IGFN1: variants seen among roughly 807,000 people sequenced by gnomAD.
The protein encoded by IGFN1 is immunoglobulin like and fibronectin type III domain containing 1.
A neutral mutation model predicts 289.5 loss-of-function variants in IGFN1; 253 were observed. The ratio of observed to expected loss-of-function variants is 0.87; its 90% CI spans 0.79 to 0.97. IGFN1 has a LOEUF of 0.97. IGFN1 is among the 50% of genes least tolerant of loss of function. The pLI is 0.00. For synonymous variants in IGFN1, 1,706 were observed against 1,788.5 expected, an observed-to-expected ratio of 0.95 and a Z score of 1.16; for missense variants, 4,470 against 4,686.1, an observed-to-expected ratio of 0.95 and a Z score of 1.35.
rs749582497 is a variant in IGFN1, at chr1:201,213,557, T to C, written c.8664T>C (p.Asp2888=). 1.2e-6 allele frequency: 2 copies of C among 1,613,858 alleles called. No individual in the cohort carries two copies. The highest frequency in any genetic ancestry group is 1.1e-5 in the South Asian group (1 of 91,070). The part of the protein sequence containing the change: ...GRLDIYGERR[D]ATRSSTSRYK... The stretch of plus-strand genomic sequence containing the variant: ...TGGACATCTATGGAGAGAGGAGAGA[T>C]GCTACCCGGAGTTCCACATCCAGAT... Residue 2888 remains aspartate, a synonymous_variant, in exon 12 of 24, where the codon GAT becomes GAC. Transcript: ENST00000335211.
In IGFN1 at chr1:201,208,691, TGGGCCA is replaced by T; in HGVS notation, c.3801_3806del (p.Pro1268_Gly1269del). 1 of 1,536,808 alleles carries T rather than the reference TGGGCCA, an allele frequency of 6.5e-7. No homozygotes were observed. The highest frequency in any genetic ancestry group is 1.4e-5 in the African/African-American group (1 of 73,018). On this transcript the variant is annotated inframe_deletion, in exon 12 of 24. Coordinates refer to ENST00000335211, the MANE Select transcript of IGFN1 (RefSeq NM_001164586.2). ...GCCTCCAAGGAATGGGATCAGCAGA[TGGGCCA>T]GGTTGTAGGAAGGGTATTGGGAGTT...
At chr1:201,203,541 T>C (rs1667252050) in intron 9 of IGFN1, among the ~76,000 whole-genome samples, 197 bp from the exon 10 acceptor site, 1 of 152,202 alleles carries the variant, frequency 6.6e-6, no homozygotes, top group South Asian at 2.1e-4. Context: ...TGGATTCCCA[T>C]CCAGCTCACA....
chr1:201,228,345 G>A (rs202185748), intron 23 of IGFN1, 41 bp from the exon 24 acceptor site: 38 of 1,609,540 alleles, frequency 2.4e-5, no homozygotes, highest in Admixed American at 3.3e-5. Flanking sequence ...GGGTGGGGTG[G>A]CTGCCCCTCT....
chr1:201,199,932 A>AC (rs397941209), intron 7 of IGFN1, among the ~76,000 whole-genome samples: 1 of 108,142 alleles, frequency 9.2e-6, no homozygotes, highest in Non-Finnish European at 1.9e-5. Context: ...ACAATGATGT[A>AC]CTTTTTTTTT....
chr1:201,205,284 T>C lies in IGFN1; in HGVS notation c.1119T>C (p.Arg373=), dbSNP rs1200760754. 1 of 1,550,828 alleles carries C rather than the reference T, an allele frequency of 6.4e-7. No homozygotes were observed. The highest frequency in any genetic ancestry group is 2.0e-5 in the Admixed American group (1 of 50,996). ...ACCGGCTGGTGGTGAGGGGGGCACG[T>C]TTCTCAGACATGGGCCCCTATTCGC... The part of the protein sequence containing the change: ...LTHRLVVRGA[R]FSDMGPYSLG... The change falls in exon 11 of 24, where the codon CGT becomes CGC. Residue 373 remains arginine (R), a synonymous_variant. Transcript: ENST00000335211.
intron 9 of IGFN1, among the ~76,000 whole-genome samples, chr1:201,203,139 T>C (rs1667237281): frequency 6.6e-6 from 1 of 152,206 alleles, no homozygotes; most frequent in Non-Finnish European, 1.5e-5. Flanking sequence ...TTTTAGCTAG[T>C]GAGAGCAGGA....
chr1:201,214,963 A>G (rs1275376037), intron 13 of IGFN1, 50 bp from the exon 14 acceptor site: 1 of 1,589,678 alleles, frequency 6.3e-7, no homozygotes, highest in Admixed American at 1.7e-5. Context: ...GGCCTGAAGG[A>G]ACTGGGATGG....
chr1:201,203,453 A>G (rs1667248827), intron 9 of IGFN1, among the ~76,000 whole-genome samples: 2 of 152,204 alleles, frequency 1.3e-5, no homozygotes, highest in Admixed American at 1.3e-4. Flanking sequence ...TCACAGCCTG[A>G]GCTGGAATGT....
Position 201,212,694 on chromosome 1 carries a change from A to G in IGFN1, c.7801A>G (p.Ser2601Gly), listed in dbSNP as rs1308004703. 6.5e-7 allele frequency: 1 copy of G among 1,548,968 alleles called. No individual in the cohort carries two copies. Among genetic ancestry groups the G allele is most frequent in the Admixed American group, 2.0e-5 (1 of 50,832 alleles). ...SSVGTGQDLD[S>G]GSMPGGRGKS... ...AGTGGGGACAGGTCAGGATCTGGACAGCGGCTCTATGCCTGGGGGAAGGGG... is the reference window on the plus strand; with the variant it reads ...AGTGGGGACAGGTCAGGATCTGGACGGCGGCTCTATGCCTGGGGGAAGGGG... The change falls in exon 12 of 24, where the codon AGC (serine) becomes GGC (glycine). Residue 2601 changes from serine (S) to glycine (G), a missense_variant. By Grantham distance (56) the Ser-to-Gly change is moderately conservative. This residue lies in a region of IGFN1 where 2,218 missense variants were observed against 2,114.1 expected (regional missense o/e 1.05). Transcript: ENST00000335211.
At chr1:201,191,600 A>G (rs1284384684) in intron 1 of IGFN1, among the ~76,000 whole-genome samples, 1 of 152,182 alleles carries the variant, frequency 6.6e-6, no homozygotes, top group East Asian at 1.9e-4. Context: ...AACTGAGACT[A>G]CATCCCTCTA....
In IGFN1 at chr1:201,208,369, G is replaced by A. The variant is rs1667539906; in HGVS notation, c.3476G>A (p.Gly1159Glu). Residue 1159 changes from glycine (G) to glutamate (E), a missense_variant, in exon 12 of 24, where the codon GGA becomes GAA. Gly to Glu is a moderately conservative substitution (Grantham distance 98). Coordinates refer to ENST00000335211, the MANE Select transcript of IGFN1 (RefSeq NM_001164586.2). The part of the protein sequence containing the change: ...GAMGPGSLRA[G>E]SKVGEGDGTR... ...ATGGGACCAGGGTCTCTGAGGGCAG[G>A]AAGCAAAGTGGGTGAGGGGGATGGG... The A allele has an allele frequency of 6.8e-6, 10 of 1,460,942 alleles. No homozygotes were observed. The highest frequency in any genetic ancestry group is 8.1e-6 in the Non-Finnish European group (9 of 1,116,288). 90.5% of individuals were successfully genotyped at this position (1,460,942 alleles called of 1,614,324 possible).
chr1:201,227,004 G>A lies in IGFN1; in HGVS notation c.10909G>A (p.Val3637Met), dbSNP rs771198676. ...QGCECCMSCA[V>M]QGSPRPHVTW... Reference sequence around the variant, plus strand: ...CTGCGAGTGCTGCATGAGCTGTGCCGTGCAGGGCTCGCCCCGGCCCCACGT... The same window carrying A: ...CTGCGAGTGCTGCATGAGCTGTGCCATGCAGGGCTCGCCCCGGCCCCACGT... Residue 3637 changes from valine to methionine, a missense_variant, in exon 23 of 24, where the codon GTG becomes ATG. By Grantham distance (21) the Val-to-Met change is conservative. Transcript: ENST00000335211. 17 of 1,613,248 alleles carry A rather than the reference G, an allele frequency of 1.1e-5. No homozygotes were observed. Among genetic ancestry groups the A allele is most frequent in the East Asian group, 4.5e-5 (2 of 44,904 alleles).
Position 201,215,740 on chromosome 1 carries a change from G to A in IGFN1, c.9197G>A (p.Cys3066Tyr). 6.2e-7 allele frequency: 1 copy of A among 1,610,892 alleles called. No individual in the cohort carries two copies. The highest frequency in any genetic ancestry group is 8.5e-7 in the Non-Finnish European group (1 of 1,178,462). Reference sequence around the variant, plus strand: ...CTGGGGGATGGCTACACGCGGCTGTGCCTCCCCAGCGCAGGCAGGAAGGAC... The same window carrying A: ...CTGGGGGATGGCTACACGCGGCTGTACCTCCCCAGCGCAGGCAGGAAGGAC... ...VDLGDGYTRL[C>Y]LPSAGRKDCG... Residue 3066 changes from cysteine to tyrosine, a missense_variant, in exon 15 of 24, where the codon TGC becomes TAC. Transcript: ENST00000335211.
intron 20 of IGFN1, among the ~76,000 whole-genome samples, chr1:201,223,519 T>C (rs6427889): frequency 0.9 from 136,825 of 151,984 alleles, 61,701 homozygotes; most frequent in East Asian, 1. Context: ...TACAGGCGCA[T>C]GCCATCACGC....
chr1:201,195,295 GCA>G, intron 3 of IGFN1, among the ~76,000 whole-genome samples: 1 of 152,118 alleles, frequency 6.6e-6, no homozygotes, highest in African/African-American at 2.4e-5. Flanking sequence ...GGGATTACAG[GCA>G]CATGCCACCA....
intron 4 of IGFN1, among the ~76,000 whole-genome samples, chr1:201,196,690 G>C (rs931306922): frequency 6.6e-6 from 1 of 152,150 alleles, no homozygotes; most frequent in African/African-American, 2.4e-5. Flanking sequence ...TGTCTAGCTA[G>C]TGCCTGGCCT....
rs1308077522 is a variant in IGFN1, at chr1:201,208,719, A to G, written c.3826A>G (p.Ser1276Gly). 5 of 1,536,882 alleles carry G rather than the reference A, an allele frequency of 3.3e-6. No individual in the cohort carries two copies. The East Asian group carries it at 7.3e-5, about 23-fold the overall frequency. The change falls in exon 12 of 24, where the codon AGT (serine) becomes GGT (glycine). Residue 1276 changes from serine to glycine, a missense_variant. Ser to Gly is a moderately conservative substitution (Grantham distance 56, BLOSUM62 0). This residue lies in a region of IGFN1 where 2,011 missense variants were observed against 1,953.4 expected (regional missense o/e 1.03). Transcript: ENST00000335211. ...DGPGCRKGIG[S>G]SGEMGSVDKE... ...GCCAGGTTGTAGGAAGGGTATTGGG[A>G]GTTCTGGGGAAATGGGGTCAGTGGA...
At position 201,211,453 on chromosome 1, in the gene IGFN1, G is replaced by T; in HGVS notation, c.6560G>T (p.Gly2187Val). The T allele has an allele frequency of 1.3e-6, 2 of 1,498,474 alleles. No individual in the cohort carries two copies. Among genetic ancestry groups the T allele is most frequent in the Non-Finnish European group, 1.8e-6 (2 of 1,125,088 alleles). 92.8% of individuals were successfully genotyped at this position (1,498,474 alleles called of 1,614,324 possible). A position where few individuals can be genotyped will look rare whatever the true frequency, so the allele number is the denominator to read the frequency against. Residue 2187 changes from glycine (G) to valine (V), a missense_variant, in exon 12 of 24, where the codon GGA becomes GTA. Coordinates refer to ENST00000335211, the MANE Select transcript of IGFN1 (RefSeq NM_001164586.2). ...AGGAAGGATTTGGGAGCTCCTGAGGGAATGGGTTCAGGGAGTAAGGCAGGT... is the reference window on the plus strand; with the variant it reads ...AGGAAGGATTTGGGAGCTCCTGAGGTAATGGGTTCAGGGAGTAAGGCAGGT... ...GYRKDLGAPE[G>V]MGSGSKAGFR... is the part of the protein sequence containing the mutation.
Position 201,225,917 on chromosome 1 carries a change from A to G in IGFN1, c.10580A>G (p.Asp3527Gly), listed in dbSNP as rs1315755193. 1 of 1,609,274 alleles carries G rather than the reference A, an allele frequency of 6.2e-7. No homozygotes were observed. Among genetic ancestry groups the G allele is most frequent in the East Asian group, 2.2e-5 (1 of 44,858 alleles). The change falls in exon 22 of 24, where the codon GAT becomes GGT. Residue 3527 changes from aspartate (D) to glycine (G), a missense_variant. Asp to Gly is a moderately conservative substitution (Grantham distance 94). Transcript: ENST00000335211. ...GAACCCTCTCCTGACGAGGCCCAGG[A>G]TGTCCCGCTGCACTACGCGGTGTTC... ...EWEPSPDEAQ[D>G]VPLHYAVFTR...
Sources: allele counts gnomAD v4.1 joint callset (sites outside exome capture counted in the v4.1 genomes callset), GRCh38; gene constraint gnomAD v4.1.1; regional missense constraint gnomAD v4.1.1; transcripts MANE v1.5; gene names NCBI Gene and HGNC (gene_info 2026-07-23, HGNC 2026-07-21).